Variants in LRP1B observed in about 807,000 individuals in gnomAD.
LRP1B encodes low-density lipoprotein receptor-related protein 1B.
Under a neutral mutation model 556.6 loss-of-function variants are expected in LRP1B, and 217 were observed. The ratio of observed to expected loss-of-function variants is 0.39; its 90% CI spans 0.35 to 0.44. LRP1B has a LOEUF of 0.44. Among genes scored for constraint, LRP1B ranks in the 20% least tolerant of loss-of-function variants. The probability of loss-of-function intolerance (pLI) is 1.00; values close to 1 mark genes in which losing one functional copy is unlikely to be tolerated. For missense variants in LRP1B, 5,053 were observed against 5,620.8 expected (o/e 0.90, Z 3.23); for synonymous variants, 2,047 against 1,865.8 (o/e 1.10, Z -2.50).
intron 1 of LRP1B, among the ~76,000 whole-genome samples, chr2:141,880,010 T>C (rs1698900096): frequency 6.6e-6 from 1 of 151,194 alleles, no homozygotes. Flanking sequence ...TAAAATTCTA[T>C]ACCCTCCCAT....
At chr2:142,121,737 C>T (rs1486625193) in intron 1 of LRP1B, among the ~76,000 whole-genome samples, 1 of 152,038 alleles carries the variant, frequency 6.6e-6, no homozygotes, top group East Asian at 1.9e-4. Flanking sequence ...TGCACTAAAG[C>T]CCTATCAGCC....
intron 1 of LRP1B, among the ~76,000 whole-genome samples, chr2:142,042,700 T>C (rs565781843): frequency 2.6e-5 from 4 of 151,658 alleles, no homozygotes; most frequent in Non-Finnish European, 1.5e-5. Flanking sequence ...TGGTTAAAAA[T>C]GTTGAAATGT....
intron 3 of LRP1B, among the ~76,000 whole-genome samples, chr2:141,397,255 G>A (rs1690275931): frequency 6.6e-6 from 1 of 150,854 alleles, no homozygotes; most frequent in South Asian, 2.1e-4. Flanking sequence ...ATAATAGGAA[G>A]AAAAATCCAA....
intron 32 of LRP1B, among the ~76,000 whole-genome samples, chr2:140,784,492 T>A (rs1689825780): frequency 6.6e-6 from 1 of 151,048 alleles, no homozygotes; most frequent in South Asian, 2.1e-4. Flanking sequence ...ACTCAGAATT[T>A]CTGATGATCT....
At chr2:142,096,804 G>C (rs768774854) in intron 1 of LRP1B, among the ~76,000 whole-genome samples, 22 of 151,198 alleles carry the variant, frequency 1.5e-4, no homozygotes, top group Non-Finnish European at 3.1e-4. Flanking sequence ...TGAAGTTTGG[G>C]GTATGCATGA....
At chr2:140,892,618 G>T (rs1030571851) in intron 23 of LRP1B, among the ~76,000 whole-genome samples, 1 of 152,226 alleles carries the variant, frequency 6.6e-6, no homozygotes, top group Middle Eastern at 3.4e-3. Flanking sequence ...AAGAGGAACT[G>T]GTTCTACTTA....
chr2:140,775,300 CT>C (rs1400961981), intron 33 of LRP1B, among the ~76,000 whole-genome samples: 1 of 151,918 alleles, frequency 6.6e-6, no homozygotes, highest in Admixed American at 6.6e-5. Flanking sequence ...ATTATTACCC[CT>C]GCTCTTCTCT....
intron 1 of LRP1B, among the ~76,000 whole-genome samples, chr2:141,814,562 C>G (rs1304805729): frequency 2.0e-5 from 3 of 152,162 alleles, no homozygotes; most frequent in Admixed American, 6.5e-5. Flanking sequence ...AATTTCAAGA[C>G]TGTATTTAAA....
intron 21 of LRP1B, among the ~76,000 whole-genome samples, chr2:140,913,763 T>C (rs891028685): frequency 6.6e-6 from 1 of 152,058 alleles, no homozygotes; most frequent in Non-Finnish European, 1.5e-5. Flanking sequence ...ATGCTAAGCA[T>C]TACCTTGTTT....
chr2:140,307,888 G>A (rs927227288), intron 83 of LRP1B, among the ~76,000 whole-genome samples: 2 of 151,724 alleles, frequency 1.3e-5, no homozygotes, highest in South Asian at 4.1e-4. Flanking sequence ...AAACATCATA[G>A]AGTAATAAAA....
intron 2 of LRP1B, among the ~76,000 whole-genome samples, chr2:141,611,446 T>C (rs1163508541): frequency 6.6e-6 from 1 of 152,142 alleles, no homozygotes; most frequent in Non-Finnish European, 1.5e-5. Context: ...AAAGCAGTCC[T>C]ATTCAAATTT....
At chr2:141,924,139 C>T (rs1296875411) in intron 1 of LRP1B, among the ~76,000 whole-genome samples, 7 of 151,830 alleles carry the variant, frequency 4.6e-5, no homozygotes, top group African/African-American at 1.7e-4. Flanking sequence ...CTATCCCGTA[C>T]CCATATAACC....
Position 141,414,392 on chromosome 2 carries a change from A to G in LRP1B, c.343+66004T>C, listed in dbSNP as rs1010422496. On this transcript the variant is annotated intron_variant, in intron 3 of 90. Transcript: ENST00000389484. ...GGAAAGGAGGGAGGGAGGGAGGAAG[A>G]AAGGAAGACAACTAAAGCTTCCCCC... Among the ~76,000 whole-genome samples, 5 of 94,314 alleles carry G rather than the reference A, an allele frequency of 5.3e-5. 1 individual carries two copies. The South Asian group carries it at 1.1e-3, about 21-fold the overall frequency. 61.9% of individuals were successfully genotyped at this position (94,314 alleles called of 152,430 possible).
chr2:141,544,891 C>G (rs927058049), intron 2 of LRP1B, among the ~76,000 whole-genome samples: 5 of 151,956 alleles, frequency 3.3e-5, no homozygotes, highest in Non-Finnish European at 7.4e-5. Flanking sequence ...GTCTCAAACT[C>G]CTGGGCTCAA....
chr2:141,902,484 G>T (rs911680317), intron 1 of LRP1B, among the ~76,000 whole-genome samples: 1 of 151,784 alleles, frequency 6.6e-6, no homozygotes, highest in Non-Finnish European at 1.5e-5. Context: ...CCTATTCCGG[G>T]GGCTTCAAAA....
intron 20 of LRP1B, among the ~76,000 whole-genome samples, chr2:140,934,477 G>T (rs190844998): frequency 1.8e-4 from 27 of 152,238 alleles, no homozygotes; most frequent in Admixed American, 9.8e-4. Context: ...TGGAACTGAA[G>T]TCTACTGAAC....
chr2:140,722,259 T>A (rs529166207), intron 35 of LRP1B, among the ~76,000 whole-genome samples: 2 of 152,324 alleles, frequency 1.3e-5, no homozygotes, highest in South Asian at 4.1e-4. Context: ...TTATGTTCAA[T>A]TTCTGTCTGT....
intron 1 of LRP1B, among the ~76,000 whole-genome samples, chr2:141,827,827 T>C (rs1243748425): frequency 6.6e-6 from 1 of 152,122 alleles, no homozygotes; most frequent in Non-Finnish European, 1.5e-5. Context: ...AATATTGCTA[T>C]AAAGTATATA....
At chr2:142,022,699 C>G (rs1263303328) in intron 1 of LRP1B, among the ~76,000 whole-genome samples, 1 of 152,072 alleles carries the variant, frequency 6.6e-6, no homozygotes, top group Non-Finnish European at 1.5e-5. Context: ...GAGATGGAGT[C>G]TTGCTCTGTT....
Sources: gnomAD v4.1 joint callset for allele counts (sites outside exome capture counted in the v4.1 genomes callset) on GRCh38, gnomAD v4.1.1 for gene constraint, MANE v1.5 for transcripts, NCBI Gene and HGNC (gene_info 2026-07-23, HGNC 2026-07-21) for gene names.